Variants in CASK observed in about 807,000 individuals in gnomAD.
The protein encoded by CASK is peripheral plasma membrane protein CASK.
In CASK, 4 loss-of-function variants were observed where a neutral mutation model predicts 82.9. The observed-to-expected ratio is 0.05, with a 90% CI of 0.02 to 0.11. The LOEUF is 0.11. Among genes scored for constraint, CASK ranks in the 10% least tolerant of loss-of-function variants. The probability of loss-of-function intolerance (pLI) is 1.00; values close to 1 mark genes in which losing one functional copy is unlikely to be tolerated. For missense variants in CASK, 358 were observed against 720.9 expected (o/e 0.50, Z 5.76); for synonymous variants, 259 against 253.5 (o/e 1.02, Z -0.20).
chrX:41,521,127 T>G (rs2147061276), intron 26 of CASK, among the ~76,000 whole-genome samples: 1 of 112,854 alleles, frequency 8.9e-6, no homozygotes, highest in East Asian at 2.8e-4. Context: ...TGCCCTTGGA[T>G]GACAAATTAA....
chrX:41,773,585 G>A (rs899004155), intron 3 of CASK, among the ~76,000 whole-genome samples: 1 of 110,573 alleles, frequency 9.0e-6, no homozygotes, highest in African/African-American at 3.3e-5. Context: ...TAACGATGGG[G>A]ATATAGTCTG....
At chrX:41,819,170 T>A (rs1244293343) in intron 2 of CASK, among the ~76,000 whole-genome samples, 2 of 111,644 alleles carry the variant, frequency 1.8e-5, no homozygotes, top group African/African-American at 6.5e-5. Flanking sequence ...AACTGGAGTT[T>A]GTCAATATTA....
intron 3 of CASK, among the ~76,000 whole-genome samples, chrX:41,785,144 C>A (rs1427160530): frequency 1.9e-5 from 2 of 107,583 alleles, no homozygotes; most frequent in African/African-American, 3.4e-5. Flanking sequence ...GTAACTGGGA[C>A]TACAGGCGTG....
intron 3 of CASK, among the ~76,000 whole-genome samples, chrX:41,776,751 G>C (rs2069372466): frequency 8.9e-6 from 1 of 112,005 alleles, no homozygotes; most frequent in Non-Finnish European, 1.9e-5. Flanking sequence ...CCTCTACAGA[G>C]GAACATATAA....
intron 8 of CASK, among the ~76,000 whole-genome samples, chrX:41,654,441 C>T (rs973225258): frequency 1.8e-5 from 2 of 110,754 alleles, no homozygotes; most frequent in African/African-American, 3.3e-5. Flanking sequence ...GAGGCCGAGG[C>T]GGGTGGATCA....
At chrX:41,780,730 C>T in intron 3 of CASK, among the ~76,000 whole-genome samples, 1 of 111,272 alleles carries the variant, frequency 9.0e-6, no homozygotes, top group Non-Finnish European at 1.9e-5. Context: ...CTCACTGCAA[C>T]CTCTGCTTTC....
intron 4 of CASK, among the ~76,000 whole-genome samples, chrX:41,744,127 C>T (rs1423043640): frequency 9.5e-6 from 1 of 105,654 alleles, no homozygotes; most frequent in Middle Eastern, 4.8e-3. Context: ...CCGCACCCCC[C>T]GCAAAAAAAA....
chrX:41,557,078 C>A lies in CASK; in HGVS notation c.1760G>T (p.Arg587Ile). Reference protein sequence around the residue: ...SCERDSPSTSRQSPANGHSST... With the variant: ...SCERDSPSTSIQSPANGHSST... ...GCTATGACCATTAGCTGGGGACTGT[C>A]TGGAAGTGGAAGGGGAATCTCTCTG... Residue 587 changes from arginine to isoleucine, a missense_variant, in exon 19 of 27, where the codon AGA (arginine) becomes ATA (isoleucine). This residue lies in a region of CASK where 41 missense variants were observed against 39.4 expected (regional missense o/e 1.04). Coordinates refer to ENST00000378163, the MANE Select transcript of CASK (RefSeq NM_001367721.1). The A allele has an allele frequency of 8.3e-7, 1 of 1,207,538 alleles. No homozygotes were observed. Among genetic ancestry groups the A allele is most frequent in the Non-Finnish European group, 1.1e-6 (1 of 891,744 alleles).
In CASK at chrX:41,874,626, C is replaced by T. The variant is rs182626419; in HGVS notation, c.60-21399G>A. 2.1e-4 allele frequency among the ~76,000 whole-genome samples: 24 copies of T among 112,211 alleles called. 1 individual carries two copies. In the Admixed American group the frequency reaches 2.3e-3, roughly 11 times the overall value. On this transcript the variant is annotated intron_variant, in intron 1 of 26. Coordinates refer to ENST00000378163, the MANE Select transcript of CASK (RefSeq NM_001367721.1). ...TTCCCACAAATATTTAGCTAATCTG[C>T]AATACAAACAATCCAAAGTACTATA...
intron 2 of CASK, among the ~76,000 whole-genome samples, chrX:41,830,550 G>A (rs1420429367): frequency 9.0e-6 from 1 of 111,269 alleles, no homozygotes; most frequent in Non-Finnish European, 1.9e-5. Context: ...GCCGGGTGCG[G>A]TGGCTCACGC....
chrX:41,914,281 A>C (rs2072632067), intron 1 of CASK, among the ~76,000 whole-genome samples: 1 of 112,382 alleles, frequency 8.9e-6, no homozygotes, highest in South Asian at 3.6e-4. Flanking sequence ...TCAAATACTC[A>C]AAACAATGAT....
At chrX:41,833,758 C>CT (rs1358023763) in intron 2 of CASK, among the ~76,000 whole-genome samples, 2 of 110,766 alleles carry the variant, frequency 1.8e-5, no homozygotes, top group Admixed American at 9.6e-5. Flanking sequence ...AAAAATTATG[C>CT]TTTTTTTTGA....
intron 21 of CASK, among the ~76,000 whole-genome samples, chrX:41,546,205 C>T (rs1259778515): frequency 9.0e-6 from 1 of 110,903 alleles, no homozygotes; most frequent in Non-Finnish European, 1.9e-5. Flanking sequence ...AAACTCCTGA[C>T]CTCAGGTGAT....
intron 2 of CASK, among the ~76,000 whole-genome samples, chrX:41,851,181 C>T (rs915047520): frequency 5.4e-5 from 6 of 111,651 alleles, no homozygotes; most frequent in Non-Finnish European, 1.1e-4. Context: ...ACGCTGTGGT[C>T]CTACCATATA....
chrX:41,747,654 G>C (rs1421612834), intron 3 of CASK, among the ~76,000 whole-genome samples: 1 of 111,734 alleles, frequency 8.9e-6, no homozygotes, highest in East Asian at 2.8e-4. Flanking sequence ...TGTTAGCCAG[G>C]ATAGTCTCGA....
chrX:41,854,217 G>GGCGCGC (rs760436631), intron 1 of CASK, among the ~76,000 whole-genome samples: 3 of 52,635 alleles, frequency 5.7e-5, no homozygotes, highest in South Asian at 8.9e-4. Context: ...CGCGCGCGCG[G>GGCGCGC]GCGCGCGCAC....
At chrX:41,847,135 T>C (rs778605051) in intron 2 of CASK, among the ~76,000 whole-genome samples, 3 of 112,009 alleles carry the variant, frequency 2.7e-5, no homozygotes, top group South Asian at 3.7e-4. Context: ...ATTGGTTGTG[T>C]AGATTTATGT....
At chrX:41,560,822 C>G (rs1427519136) in intron 17 of CASK, among the ~76,000 whole-genome samples, 3 of 108,235 alleles carry the variant, frequency 2.8e-5, no homozygotes, top group African/African-American at 1.0e-4. Flanking sequence ...ACTCGGGGGG[C>G]AGAGGTTGCA....
intron 1 of CASK, among the ~76,000 whole-genome samples, chrX:41,863,623 T>C (rs1451936762): frequency 8.9e-6 from 1 of 112,393 alleles, no homozygotes; most frequent in Non-Finnish European, 1.9e-5. Context: ...AGCTATATAT[T>C]CACATTTTGT....
Sources: gnomAD v4.1 joint callset for allele counts (sites outside exome capture counted in the v4.1 genomes callset) on GRCh38, gnomAD v4.1.1 for gene constraint, gnomAD v4.1.1 regional missense constraint, MANE v1.5 for transcripts, NCBI Gene and HGNC (gene_info 2026-07-23, HGNC 2026-07-21) for gene names.